MUC5AC: variants seen among roughly 807,000 people sequenced by gnomAD.
The protein encoded by MUC5AC is mucin 5AC, oligomeric mucus/gel-forming.
Under a neutral mutation model 169.7 loss-of-function variants are expected in MUC5AC, and 158 were observed. The observed-to-expected ratio is 0.93, with a 90% confidence interval of 0.82 to 1.06. The LOEUF is 1.06. Among genes scored for constraint, MUC5AC ranks in the 50% least tolerant of loss-of-function variants. MUC5AC has a pLI of 0.00. For synonymous variants in MUC5AC, 1,975 were observed against 1,237.0 expected (o/e 1.60, Z -12.52); for missense variants, 4,359 against 3,089.9 (o/e 1.41, Z -9.74).
rs1388681129 is a variant in MUC5AC at position 1,185,065 on chromosome 11, C to G, written c.6920C>G (p.Thr2307Ser). 4.2e-6 allele frequency: 3 copies of G among 707,980 alleles called. No individual in the cohort carries two copies. The East Asian group carries it at 7.9e-5, about 19-fold the overall frequency. 43.9% of individuals were successfully genotyped at this position (707,980 alleles called of 1,614,324 possible). ...PASTTSGPGN[T>S]PSPVPTTSTI... Reference sequence around the variant, plus strand: ...AGCACAACCTCTGGTCCTGGAAATACTCCCAGCCCTGTTCCTACCACCAGC... The same window carrying G: ...AGCACAACCTCTGGTCCTGGAAATAGTCCCAGCCCTGTTCCTACCACCAGC... Residue 2307 changes from threonine (T) to serine (S), a missense_variant, in exon 31 of 49, where the codon ACT (threonine) becomes AGT (serine). Transcript: ENST00000621226.
In MUC5AC at chr11:1,195,897, T is replaced by C. The variant is rs115701498; in HGVS notation, c.15480T>C (p.Thr5160=). The C allele has an allele frequency of 1.4e-6, 1 of 696,246 alleles. No individual in the cohort carries two copies. The highest frequency in any genetic ancestry group is 1.8e-5 in the Admixed American group (1 of 56,706). 43.1% of individuals were successfully genotyped at this position (696,246 alleles called of 1,614,324 possible). The change falls in exon 37 of 49, where the codon ACT becomes ACC. Residue 5160 remains threonine (T), a synonymous_variant. Coordinates refer to ENST00000621226, the MANE Select transcript of MUC5AC (RefSeq NM_001304359.2). ...ILSKVFEPCH[T]VIPPLLFYEG... ...ACAGGGTCTTTGAGCCGTGCCACAC[T>C]GTGATCCCCCCACTGCTGTTCTATG...
At position 1,184,808 on chromosome 11, in the gene MUC5AC, C is replaced by G. The variant is rs1307392649; in HGVS notation, c.6663C>G (p.Pro2221=). The change falls in exon 31 of 49, where the codon CCC becomes CCG. Residue 2221 remains proline (P), a synonymous_variant. Transcript: ENST00000621226. ...GCTGCGAGACCCCCAAAGGCTGCCCCGTGACCTCCACACCTGTGACAGCTC... is the reference window on the plus strand; with the variant it reads ...GCTGCGAGACCCCCAAAGGCTGCCCGGTGACCTCCACACCTGTGACAGCTC... The part of the protein sequence containing the change: ...VLCCETPKGC[P]VTSTPVTAPS... 1.3e-4 allele frequency: 83 copies of G among 650,834 alleles called. No individual in the cohort carries two copies. The East Asian group carries it at 1.9e-3, about 15-fold the overall frequency. The allele number at this position is 650,834 out of a possible 1,614,324, so 40.3% of individuals were successfully genotyped here.
At chr11:1,199,519 A>AG (rs1165033103) in intron 46 of MUC5AC, 29 bp downstream of exon 46, 6 of 702,938 alleles carry the variant, frequency 8.5e-6, no homozygotes, top group African/African-American at 3.5e-5. Context: ...GCTCCAGCCA[A>AG]GGGGGGCTTC....
At chr11:1,175,910 C>T (rs1860671462) in intron 19 of MUC5AC, among the ~76,000 whole-genome samples, 1 of 146,052 alleles carries the variant, frequency 6.8e-6, no homozygotes, top group Non-Finnish European at 1.5e-5. Context: ...CACATGCACA[C>T]ACACCCACTC....
In MUC5AC at chr11:1,191,752, G is replaced by T; in HGVS notation, c.13607G>T (p.Ser4536Ile). ...AGCACAACCTCTGCCTCTACAGCCA[G>T]CACAACCTCTGGTCCTGGAACTTCT... Reference protein sequence around the residue: ...TTSTTSASTASTTSGPGTSLS... With the variant: ...TTSTTSASTAITTSGPGTSLS... The change falls in exon 31 of 49, where the codon AGC becomes ATC. Residue 4536 changes from serine (S) to isoleucine (I), a missense_variant. Coordinates refer to ENST00000621226, the MANE Select transcript of MUC5AC (RefSeq NM_001304359.2). 2.7e-6 allele frequency: 2 copies of T among 738,382 alleles called. No individual in the cohort carries two copies. Among genetic ancestry groups the T allele is most frequent in the Admixed American group, 3.6e-5 (2 of 55,442 alleles). 45.7% of individuals were successfully genotyped at this position (738,382 alleles called of 1,614,324 possible).
intron 30 of MUC5AC, 71 bp from the exon 31 acceptor site, chr11:1,182,084 G>A (rs1860827220): frequency 3.2e-6 from 1 of 311,136 alleles, no homozygotes; most frequent in African/African-American, 4.6e-5. Flanking sequence ...CGGTGACAGA[G>A]CCGCAGGGAG....
chr11:1,181,741 G>T (rs1369926511), intron 30 of MUC5AC, among the ~76,000 whole-genome samples: 1 of 152,182 alleles, frequency 6.6e-6, no homozygotes, highest in Admixed American at 6.5e-5. Flanking sequence ...TGGGGTGTCA[G>T]GGGTCTGGCA....
At chr11:1,199,296 G>A in intron 45 of MUC5AC, 75 bp from the exon 46 acceptor site, 1 of 695,040 alleles carries the variant, frequency 1.4e-6, no homozygotes. Flanking sequence ...CTCTCTGGAA[G>A]CCCACGGGCT....
At chr11:1,161,669 G>A (rs779110003) in intron 3 of MUC5AC, 83 bp downstream of exon 3, 1 of 1,478,014 alleles carries the variant, frequency 6.8e-7, no homozygotes. Flanking sequence ...GCCGGGTGGA[G>A]AGGGGCCCCA....
In MUC5AC at chr11:1,168,944, C is replaced by T. The variant is rs1051883287; in HGVS notation, c.1788C>T (p.Phe596=). 6 of 1,611,606 alleles carry T rather than the reference C, an allele frequency of 3.7e-6. No individual in the cohort carries two copies. Among genetic ancestry groups the T allele is most frequent in the Admixed American group, 3.3e-5 (2 of 59,874 alleles). The change falls in exon 15 of 49, where the codon TTC becomes TTT. Residue 596 remains phenylalanine, a synonymous_variant. Coordinates refer to ENST00000621226, the MANE Select transcript of MUC5AC (RefSeq NM_001304359.2). The stretch of plus-strand genomic sequence containing the variant: ...TGGTGGAGGCCACCGCTGCGGCCTT[C>T]TTCAACACCTTCAAGACCCAGGCCG... ...SGVVEATAAA[F]FNTFKTQAAC...
chr11:1,162,448 C>T, intron 4 of MUC5AC, 84 bp from the exon 5 acceptor site: 1 of 1,263,710 alleles, frequency 7.9e-7, no homozygotes, highest in South Asian at 1.3e-5. Context: ...ATGACCGTGT[C>T]ACATTTGCGA....
At chr11:1,196,810 G>A (rs1861287745) in intron 39 of MUC5AC, 67 bp from the exon 40 acceptor site, 1 of 743,764 alleles carries the variant, frequency 1.3e-6, no homozygotes, top group Non-Finnish European at 2.5e-6. Flanking sequence ...GCCCCAATAT[G>A]GGACCCTGCC....
chr11:1,165,868 C>A (rs1860309296), intron 11 of MUC5AC, 108 bp downstream of exon 11: 5 of 1,500,736 alleles, frequency 3.3e-6, no homozygotes, highest in Non-Finnish European at 4.5e-6. Flanking sequence ...TGGGGTCACC[C>A]TTGGGGGTCC....
chr11:1,171,599 AC>A (rs1860540887), intron 15 of MUC5AC, among the ~76,000 whole-genome samples: 1 of 124,478 alleles, frequency 8.0e-6, no homozygotes, highest in Non-Finnish European at 1.6e-5. Flanking sequence ...TCACCCACTC[AC>A]TCACCCATTC....
chr11:1,164,379 A>C, intron 8 of MUC5AC, 28 bp from the exon 9 acceptor site: 1 of 1,611,988 alleles, frequency 6.2e-7, no homozygotes, highest in Non-Finnish European at 8.5e-7. Flanking sequence ...GGGCAGGCAG[A>C]CGTGAGCCCT....
rs1860952038 is a variant in MUC5AC, at chr11:1,186,562, C to T, written c.8417C>T (p.Ser2806Phe). The change falls in exon 31 of 49, where the codon TCT (serine) becomes TTT (phenylalanine). Residue 2806 changes from serine (S) to phenylalanine (F), a missense_variant. Physicochemically the swap from Ser to Phe is radical, Grantham distance 155. Transcript: ENST00000621226. ...TTSTTITSTT[S>F]APISSTTSTP... ...TCTACTACTATAACCAGCACAACTT[C>T]TGCCCCTATAAGCAGCACAACTTCC... The T allele has an allele frequency of 1.4e-6, 1 of 703,468 alleles. No individual in the cohort carries two copies. Among genetic ancestry groups the T allele is most frequent in the African/African-American group, 1.7e-5 (1 of 57,200 alleles). 43.6% of individuals were successfully genotyped at this position (703,468 alleles called of 1,614,324 possible).
At position 1,190,891 on chromosome 11, in the gene MUC5AC, C is replaced by G; in HGVS notation, c.12746C>G (p.Thr4249Arg). 1 of 740,078 alleles carries G rather than the reference C, an allele frequency of 1.4e-6. No individual in the cohort carries two copies. Among genetic ancestry groups the G allele is most frequent in the Non-Finnish European group, 2.5e-6 (1 of 405,898 alleles). 45.8% of individuals were successfully genotyped at this position (740,078 alleles called of 1,614,324 possible). Reference protein sequence around the residue: ...TSTTSAPTTSTTSGPGTTPSP... With the variant: ...TSTTSAPTTSRTSGPGTTPSP... The stretch of plus-strand genomic sequence containing the variant: ...ACAACTTCTGCTCCTACAACCAGCA[C>G]AACCTCTGGTCCTGGAACTACTCCA... Residue 4249 changes from threonine to arginine, a missense_variant, in exon 31 of 49, where the codon ACA becomes AGA. Physicochemically the swap from Thr to Arg is moderately conservative, Grantham distance 71 (BLOSUM62 -1). Transcript: ENST00000621226.
At position 1,190,885 on chromosome 11, in the gene MUC5AC, C is replaced by G. The variant is rs1381588931; in HGVS notation, c.12740C>G (p.Thr4247Ser). The G allele has an allele frequency of 1.6e-5, 12 of 741,054 alleles. No homozygotes were observed. In the East Asian group the frequency reaches 3.0e-4, roughly 18 times the overall value. The allele number at this position is 741,054 out of a possible 1,614,324, so 45.9% of individuals were successfully genotyped here. Residue 4247 changes from threonine to serine, a missense_variant, in exon 31 of 49, where the codon ACC becomes AGC. Physicochemically the swap from Thr to Ser is moderately conservative, Grantham distance 58 (BLOSUM62 1). Transcript: ENST00000621226. ...STTSTTSAPT[T>S]STTSGPGTTP... ...ACCAGCACAACTTCTGCTCCTACAA[C>G]CAGCACAACCTCTGGTCCTGGAACT...
At chr11:1,178,713 C>A in intron 25 of MUC5AC, 30 bp downstream of exon 25, 2 of 1,161,490 alleles carry the variant, frequency 1.7e-6, no homozygotes, top group Admixed American at 3.9e-5. Context: ...TTTCTCTGGG[C>A]CCAAGGGGGT....
Sources: allele counts gnomAD v4.1 joint callset (sites outside exome capture counted in the v4.1 genomes callset), GRCh38; gene constraint gnomAD v4.1.1; transcripts MANE v1.5; gene names NCBI Gene and HGNC (gene_info 2026-07-23, HGNC 2026-07-21).